Variants in IQCM observed in about 807,000 individuals in gnomAD.
IQCM encodes IQ motif containing M.
Under a neutral mutation model 57.6 loss-of-function variants are expected in IQCM, and 45 were observed. The observed-to-expected ratio is 0.78, with a 90% CI of 0.62 to 1.00. The LOEUF is 1.00. Among genes scored for constraint, IQCM ranks in the 50% least tolerant of loss-of-function variants. IQCM has a pLI of 0.00. For missense variants in IQCM, 468 were observed against 511.6 expected, an observed-to-expected ratio of 0.91 and a Z score of 0.82; for synonymous variants, 148 against 158.9, an observed-to-expected ratio of 0.93 and a Z score of 0.51.
chr4:149,447,635 G>C (rs962413029), intron 12 of IQCM, among the ~76,000 whole-genome samples: 1 of 151,556 alleles, frequency 6.6e-6, no homozygotes, highest in Admixed American at 6.6e-5. Context: ...CAGAGTATCA[G>C]TGAGCTGTGG....
chr4:149,504,067 A>G (rs796555576), intron 12 of IQCM, among the ~76,000 whole-genome samples: 8 of 152,170 alleles, frequency 5.3e-5, no homozygotes, highest in South Asian at 2.1e-4. Flanking sequence ...TGAATAAAAA[A>G]AAATTAAAAC....
intron 13 of IQCM, among the ~76,000 whole-genome samples, chr4:149,359,001 A>T (rs776520783): frequency 8.1e-5 from 12 of 148,830 alleles, no homozygotes; most frequent in Non-Finnish European, 1.3e-4. Flanking sequence ...AAAGAAAGAA[A>T]AAATGAAAAA....
At chr4:149,761,266 T>C (rs991516692) in intron 2 of IQCM, among the ~76,000 whole-genome samples, 2 of 152,116 alleles carry the variant, frequency 1.3e-5, no homozygotes, top group Admixed American at 1.3e-4. Flanking sequence ...TTTATCAAAG[T>C]ACCAGTGTTT....
intron 8 of IQCM, among the ~76,000 whole-genome samples, chr4:149,593,903 T>C (rs1284049915): frequency 5.3e-5 from 8 of 152,068 alleles, no homozygotes; most frequent in Non-Finnish European, 7.4e-5. Context: ...ATCAGAGACA[T>C]TGGTCTAAAA....
intron 12 of IQCM, among the ~76,000 whole-genome samples, chr4:149,546,831 C>T (rs1162825756): frequency 6.6e-6 from 1 of 152,010 alleles, no homozygotes; most frequent in Non-Finnish European, 1.5e-5. Context: ...TTAATTAGAT[C>T]CCATTTGTCA....
intron 5 of IQCM, among the ~76,000 whole-genome samples, chr4:149,698,383 A>G (rs1561170744): frequency 6.6e-6 from 1 of 152,108 alleles, no homozygotes; most frequent in Non-Finnish European, 1.5e-5. Flanking sequence ...CCTAGCATAT[A>G]TTAGGCACCC....
intron 10 of IQCM, among the ~76,000 whole-genome samples, chr4:149,559,915 A>T (rs568832669): frequency 2.0e-5 from 3 of 152,158 alleles, no homozygotes; most frequent in South Asian, 2.1e-4. Flanking sequence ...TTCTCATAGG[A>T]GCTAGAACCC....
intron 12 of IQCM, among the ~76,000 whole-genome samples, chr4:149,532,002 C>T (rs553533135): frequency 3.9e-5 from 6 of 152,098 alleles, no homozygotes; most frequent in East Asian, 3.9e-4. Flanking sequence ...TTGCCTGACA[C>T]GAGGGCCAGC....
chr4:149,628,682 T>C (rs1431427896), intron 7 of IQCM, among the ~76,000 whole-genome samples: 2 of 152,184 alleles, frequency 1.3e-5, no homozygotes, highest in Non-Finnish European at 1.5e-5. Context: ...CATCTGACTA[T>C]TGGAGTTCAC....
intron 12 of IQCM, among the ~76,000 whole-genome samples, chr4:149,510,718 T>C (rs1231970405): frequency 6.6e-6 from 1 of 152,202 alleles, no homozygotes; most frequent in African/African-American, 2.4e-5. Context: ...TAGTCAAGTA[T>C]TTCATAAAAT....
intron 12 of IQCM, among the ~76,000 whole-genome samples, chr4:149,515,768 GT>G (rs1199629940): frequency 6.6e-6 from 1 of 152,180 alleles, no homozygotes; most frequent in Non-Finnish European, 1.5e-5. Context: ...GTAGCCAATG[GT>G]TTGGCTGGAT....
rs1728622058 is a variant in IQCM at position 149,352,074 on chromosome 4, A to G, written c.1391-8T>C. ...GTGCTGGATGTCCATTTACTATAAT[A>G]CAAAACATACAGTCACATTAATATA... On this transcript the variant is annotated splice_region_variant and splice_polypyrimidine_tract_variant and intron_variant, in intron 13 of 13. Coordinates refer to ENST00000636793, the MANE Select transcript of IQCM (RefSeq NM_001363507.2). The G allele has an allele frequency of 2.5e-6, 1 of 398,980 alleles. No homozygotes were observed. Among genetic ancestry groups the G allele is most frequent in the East Asian group, 3.6e-5 (1 of 28,056 alleles). 24.7% of individuals were successfully genotyped at this position (398,980 alleles called of 1,614,324 possible). A position where few individuals can be genotyped will look rare whatever the true frequency, so the allele number is the denominator to read the frequency against.
intron 8 of IQCM, among the ~76,000 whole-genome samples, chr4:149,596,780 AG>A (rs1753819003): frequency 6.6e-6 from 1 of 152,158 alleles, no homozygotes; most frequent in Non-Finnish European, 1.5e-5. Context: ...CCACCAAAAA[AG>A]TTTGAAAATT....
At chr4:149,671,405 G>C (rs1196261853) in intron 7 of IQCM, among the ~76,000 whole-genome samples, 1 of 152,054 alleles carries the variant, frequency 6.6e-6, no homozygotes, top group African/African-American at 2.4e-5. Context: ...TCTATCAATT[G>C]TGTTGATCTT....
intron 12 of IQCM, among the ~76,000 whole-genome samples, chr4:149,486,682 G>T (rs1175223467): frequency 6.6e-6 from 1 of 152,170 alleles, no homozygotes; most frequent in African/African-American, 2.4e-5. Flanking sequence ...GGAGGTGGAG[G>T]TTGCAGTGAG....
chr4:149,779,601 A>C (rs1336593361), intron 2 of IQCM, among the ~76,000 whole-genome samples: 3 of 152,202 alleles, frequency 2.0e-5, no homozygotes, highest in Non-Finnish European at 4.4e-5. Flanking sequence ...CAAAATGAAT[A>C]ATGGACTAAA....
chr4:149,652,049 C>G (rs571450976), intron 7 of IQCM, among the ~76,000 whole-genome samples: 2 of 152,112 alleles, frequency 1.3e-5, no homozygotes. Context: ...TTGGAACCAA[C>G]CCAAATGTCC....
At chr4:149,747,003 T>G (rs1417621220) in intron 2 of IQCM, among the ~76,000 whole-genome samples, 2 of 152,178 alleles carry the variant, frequency 1.3e-5, no homozygotes, top group Admixed American at 6.5e-5. Context: ...GCTTTTGTCC[T>G]AGTCACCCTT....
intron 7 of IQCM, among the ~76,000 whole-genome samples, chr4:149,622,193 G>C (rs1260451768): frequency 2.0e-5 from 3 of 152,034 alleles, no homozygotes; most frequent in African/African-American, 4.8e-5. Context: ...ATTCTAATCA[G>C]TACATAAACA....
Sources: gnomAD v4.1 joint callset for allele counts (sites outside exome capture counted in the v4.1 genomes callset) on GRCh38, gnomAD v4.1.1 for gene constraint, MANE v1.5 for transcripts, NCBI Gene and HGNC (gene_info 2026-07-23, HGNC 2026-07-21) for gene names.